ABCC4: variants seen among roughly 807,000 people sequenced by gnomAD.
ABCC4 encodes the protein ATP-binding cassette sub-family C member 4.
ABCC4 carries 102 observed loss-of-function variants against 168.5 expected under a neutral mutation model. The ratio of observed to expected loss-of-function variants is 0.61; its 90% confidence interval spans 0.52 to 0.71. ABCC4 has a LOEUF of 0.71. Among genes scored for constraint, ABCC4 ranks in the 30% least tolerant of loss-of-function variants. The pLI, the probability that ABCC4 is intolerant of heterozygous loss-of-function variation, is 0.00. For missense variants in ABCC4, 1,402 were observed against 1,605.8 expected, an observed-to-expected ratio of 0.87 and a Z score of 2.17; for synonymous variants, 617 against 590.7, an observed-to-expected ratio of 1.04 and a Z score of -0.65.
At chr13:95,056,848 A>G (rs1408067262) in intron 26 of ABCC4, among the ~76,000 whole-genome samples, 1 of 152,230 alleles carries the variant, frequency 6.6e-6, no homozygotes, top group Admixed American at 6.5e-5. Flanking sequence ...TCAAATATGA[A>G]AAATGAATCT....
At chr13:95,044,128 C>T in intron 28 of ABCC4, 138 bp downstream of exon 28, 1 of 934,038 alleles carries the variant, frequency 1.1e-6, no homozygotes, top group Non-Finnish European at 1.5e-6. Flanking sequence ...CTTTTTTTTT[C>T]AGAATGAATT....
At chr13:95,284,397 C>A (rs1000503253) in intron 1 of ABCC4, among the ~76,000 whole-genome samples, 2 of 152,160 alleles carry the variant, frequency 1.3e-5, no homozygotes, top group Admixed American at 6.5e-5. Flanking sequence ...CCATGTTGCA[C>A]AGGCTGTTCA....
intron 1 of ABCC4, among the ~76,000 whole-genome samples, chr13:95,273,412 C>T (rs1190591370): frequency 1.3e-5 from 2 of 152,130 alleles, no homozygotes; most frequent in Non-Finnish European, 2.9e-5. Flanking sequence ...CTTTCCTGGC[C>T]CCTTCCCTCA....
chr13:95,073,406 A>G, intron 23 of ABCC4, 102 bp from the exon 24 acceptor site: 2 of 719,824 alleles, frequency 2.8e-6, no homozygotes, highest in Non-Finnish European at 4.5e-6. Flanking sequence ...TGTTGAAACA[A>G]TTCACATTTA....
At chr13:95,049,590 G>A (rs987691400) in intron 27 of ABCC4, among the ~76,000 whole-genome samples, 1 of 151,956 alleles carries the variant, frequency 6.6e-6, no homozygotes, top group Non-Finnish European at 1.5e-5. Context: ...GCAGTGAGCC[G>A]AGACTGTGCC....
chr13:95,301,020 C>G (rs2041663513), intron 1 of ABCC4, among the ~76,000 whole-genome samples: 1 of 152,050 alleles, frequency 6.6e-6, no homozygotes, highest in Non-Finnish European at 1.5e-5. Context: ...GTCCCCGCGT[C>G]CCCCTGCGCC....
At chr13:95,215,066 T>C (rs1224569423) in intron 4 of ABCC4, among the ~76,000 whole-genome samples, 13 of 152,146 alleles carry the variant, frequency 8.5e-5, no homozygotes, top group Admixed American at 7.2e-4. Flanking sequence ...GGAGATGGTA[T>C]CAAATGGAAA....
chr13:95,142,790 C>G (rs893891761), intron 19 of ABCC4, among the ~76,000 whole-genome samples: 1 of 152,046 alleles, frequency 6.6e-6, no homozygotes, highest in Non-Finnish European at 1.5e-5. Flanking sequence ...CTTGTGAAGA[C>G]TAAATTAGAA....
At chr13:95,218,983 A>AAGAAAAAAAGAG (rs1566539902) in intron 4 of ABCC4, among the ~76,000 whole-genome samples, 10 of 10,988 alleles carry the variant, frequency 9.1e-4, no homozygotes, top group Non-Finnish European at 1.3e-3. Flanking sequence ...GAAAGAAAGA[A>AAGAAAAAAAGAG]AGAGTGAGAA....
intron 30 of ABCC4, among the ~76,000 whole-genome samples, chr13:95,022,234 GC>G (rs1429570545): frequency 1.3e-5 from 2 of 152,118 alleles, no homozygotes; most frequent in Non-Finnish European, 2.9e-5. Context: ...GTGGATAGTG[GC>G]CCACAATAAT....
intron 13 of ABCC4, among the ~76,000 whole-genome samples, chr13:95,172,464 G>T (rs1432575349): frequency 6.6e-6 from 1 of 151,924 alleles, no homozygotes; most frequent in Non-Finnish European, 1.5e-5. Flanking sequence ...CCAGCTACTC[G>T]GCTGGCTGAG....
At chr13:95,159,140 G>C (rs527928691) in intron 19 of ABCC4, among the ~76,000 whole-genome samples, 4 of 67,596 alleles carry the variant, frequency 5.9e-5, no homozygotes, top group Admixed American at 3.6e-4. Flanking sequence ...TATAACTATT[G>C]AAGTGCATAC....
intron 11 of ABCC4, among the ~76,000 whole-genome samples, chr13:95,184,904 A>G (rs1477909855): frequency 6.6e-6 from 1 of 152,034 alleles, no homozygotes; most frequent in Non-Finnish European, 1.5e-5. Flanking sequence ...ACTCCCTAAA[A>G]CATGATACAC....
At position 95,209,613 on chromosome 13, in the gene ABCC4, CAG is replaced by C. The variant is rs766317943; in HGVS notation, c.622-18_622-17del. 1.2e-6 allele frequency: 2 copies of C among 1,604,132 alleles called. No homozygotes were observed. The highest frequency in any genetic ancestry group is 2.7e-5 in the African/African-American group (2 of 74,538). The stretch of plus-strand genomic sequence containing the variant: ...ACACTGTCACCTTTAAAGAAAAAGA[CAG>C]AGCGTTCTTAGGACTCCAGAAAAGC... On this transcript the variant is annotated splice_polypyrimidine_tract_variant and intron_variant, in intron 5 of 30. Transcript: ENST00000645237.
At chr13:95,177,860 T>C in intron 12 of ABCC4, 67 bp from the exon 13 acceptor site, 1 of 1,519,162 alleles carries the variant, frequency 6.6e-7, no homozygotes, top group Admixed American at 1.7e-5. Context: ...ACTGGGATGT[T>C]CATTCAAATG....
At chr13:95,036,530 A>G (rs72642338) in intron 29 of ABCC4, among the ~76,000 whole-genome samples, 4 of 152,222 alleles carry the variant, frequency 2.6e-5, no homozygotes, top group East Asian at 1.9e-4. Flanking sequence ...AAAAAAAATA[A>G]TGTTCTCAAA....
At chr13:95,126,147 TACC>T (rs1225105105) in intron 19 of ABCC4, among the ~76,000 whole-genome samples, 3 of 152,330 alleles carry the variant, frequency 2.0e-5, no homozygotes, top group African/African-American at 7.2e-5. Flanking sequence ...TCTGGGAATG[TACC>T]ACTTTAATCC....
intron 9 of ABCC4, among the ~76,000 whole-genome samples, chr13:95,193,796 T>C (rs1029665662): frequency 1.1e-3 from 160 of 152,304 alleles, no homozygotes; most frequent in African/African-American, 3.7e-3. Context: ...ACCCAAGTGC[T>C]AGGACCAAGG....
At chr13:95,215,838 T>G (rs2039094624) in intron 4 of ABCC4, among the ~76,000 whole-genome samples, 1 of 152,212 alleles carries the variant, frequency 6.6e-6, no homozygotes, top group East Asian at 1.9e-4. Context: ...GAGTAAACTT[T>G]TGGCTTTAAG....
Sources: gnomAD v4.1 joint callset for allele counts (sites outside exome capture counted in the v4.1 genomes callset) on GRCh38, gnomAD v4.1.1 for gene constraint, MANE v1.5 for transcripts, NCBI Gene and HGNC (gene_info 2026-07-23, HGNC 2026-07-21) for gene names.